Variants in THSD7B observed in about 807,000 individuals in gnomAD.
THSD7B encodes thrombospondin type-1 domain-containing protein 7B.
In THSD7B, 138 loss-of-function variants were observed where a neutral mutation model predicts 213.6. That is an observed-to-expected ratio of 0.65 (90% CI 0.56 to 0.74). The LOEUF is 0.74. Ranked by LOEUF, THSD7B falls within the 30% of genes least tolerant of loss-of-function variation. The pLI is 0.00. For missense variants in THSD7B, 1,931 were observed against 1,991.5 expected, an observed-to-expected ratio of 0.97 and a Z score of 0.58; for synonymous variants, 742 against 687.0, an observed-to-expected ratio of 1.08 and a Z score of -1.25.
At chr2:137,428,135 G>A (rs1225737414) in intron 14 of THSD7B, among the ~76,000 whole-genome samples, 2 of 152,060 alleles carry the variant, frequency 1.3e-5, no homozygotes, top group Admixed American at 1.3e-4. Flanking sequence ...TATTCTTGAT[G>A]TATGATCCAA....
At chr2:136,906,245 TC>T (rs1338663218) in intron 2 of THSD7B, among the ~76,000 whole-genome samples, 8 of 152,192 alleles carry the variant, frequency 5.3e-5, no homozygotes, top group African/African-American at 1.9e-4. Context: ...AGACAGATAT[TC>T]TTTATGAGAG....
At chr2:137,448,161 A>T (rs1343742094) in intron 14 of THSD7B, among the ~76,000 whole-genome samples, 1 of 152,236 alleles carries the variant, frequency 6.6e-6, no homozygotes, top group Non-Finnish European at 1.5e-5. Flanking sequence ...AAGATAGAGT[A>T]CTTATTAAAG....
At chr2:137,174,511 G>A (rs539171876) in intron 7 of THSD7B, among the ~76,000 whole-genome samples, 155 of 152,220 alleles carry the variant, frequency 1.0e-3, no homozygotes, top group African/African-American at 3.5e-3. Context: ...GTCTACTTTG[G>A]GTTATCTTAG....
intron 1 of THSD7B, among the ~76,000 whole-genome samples, chr2:136,840,091 A>G (rs572653925): frequency 1.3e-5 from 2 of 152,270 alleles, no homozygotes; most frequent in South Asian, 4.1e-4. Flanking sequence ...AGAGTATCAA[A>G]AAAGAGGCTG....
intron 3 of THSD7B, among the ~76,000 whole-genome samples, chr2:137,073,135 G>A (rs1462356490): frequency 2.8e-5 from 4 of 140,592 alleles, no homozygotes; most frequent in Non-Finnish European, 6.2e-5. Context: ...AGTTAGGGAG[G>A]ATTCCCTCTT....
In THSD7B at chr2:137,233,105, A is replaced by G; in HGVS notation, c.2122A>G (p.Ser708Gly). ...GACTCGGAGAGTCTTCTGTGTCAAG[A>G]GTCACGTGGGACAAGTAATGACCAA... ...IQTRRVFCVK[S>G]HVGQVMTKRC... The change falls in exon 9 of 28, where the codon AGT (serine) becomes GGT (glycine). Residue 708 changes from serine (S) to glycine (G), a missense_variant. By Grantham distance (56) the Ser-to-Gly change is moderately conservative. Coordinates refer to ENST00000409968, the MANE Select transcript of THSD7B (RefSeq NM_001316349.2). 3 of 1,613,826 alleles carry G rather than the reference A, an allele frequency of 1.9e-6. No homozygotes were observed. The highest frequency in any genetic ancestry group is 2.5e-6 in the Non-Finnish European group (3 of 1,179,786).
chr2:137,382,466 C>T (rs1225408926), intron 12 of THSD7B, among the ~76,000 whole-genome samples: 1 of 152,196 alleles, frequency 6.6e-6, no homozygotes, highest in Non-Finnish European at 1.5e-5. Flanking sequence ...ACATGGAGCA[C>T]TTGAGAACGC....
At chr2:136,778,124 C>T (rs1363137051) in intron 1 of THSD7B, among the ~76,000 whole-genome samples, 1 of 152,156 alleles carries the variant, frequency 6.6e-6, no homozygotes, top group Non-Finnish European at 1.5e-5. Flanking sequence ...ACACCTACAA[C>T]CCTCTGTCTG....
At chr2:137,544,988 CA>C (rs1471629392) in intron 15 of THSD7B, among the ~76,000 whole-genome samples, 2 of 151,654 alleles carry the variant, frequency 1.3e-5, no homozygotes, top group Non-Finnish European at 2.9e-5. Flanking sequence ...AATAATGTAT[CA>C]GGGGCTATGG....
intron 12 of THSD7B, among the ~76,000 whole-genome samples, chr2:137,327,191 G>C (rs1684391564): frequency 6.6e-6 from 1 of 152,308 alleles, no homozygotes; most frequent in African/African-American, 2.4e-5. Flanking sequence ...TTTTAGAACT[G>C]AGACAGCTGG....
chr2:137,645,349 C>G (rs1371699430), intron 21 of THSD7B, among the ~76,000 whole-genome samples: 1 of 152,162 alleles, frequency 6.6e-6, no homozygotes, highest in African/African-American at 2.4e-5. Flanking sequence ...TATTAATGCT[C>G]TAGGCAATGG....
At chr2:137,344,530 A>T (rs988404102) in intron 12 of THSD7B, among the ~76,000 whole-genome samples, 1 of 151,696 alleles carries the variant, frequency 6.6e-6, no homozygotes, top group Non-Finnish European at 1.5e-5. Flanking sequence ...ATGCTGCTTT[A>T]TATGTGACTA....
intron 17 of THSD7B, among the ~76,000 whole-genome samples, chr2:137,574,190 A>G (rs1453985346): frequency 1.3e-5 from 2 of 152,082 alleles, no homozygotes; most frequent in Non-Finnish European, 2.9e-5. Context: ...GTATCTGGCC[A>G]CTGGGCTAAA....
At chr2:137,295,730 T>C (rs1239973850) in intron 12 of THSD7B, among the ~76,000 whole-genome samples, 1 of 152,152 alleles carries the variant, frequency 6.6e-6, no homozygotes, top group East Asian at 1.9e-4. Context: ...TGCCTCATCC[T>C]CCCAAAGTGC....
chr2:136,768,398 G>GA (rs60127827), intron 1 of THSD7B, among the ~76,000 whole-genome samples: 4,541 of 152,086 alleles, frequency 0.03, 249 homozygotes, highest in African/African-American at 0.1. Context: ...TTCCTTTAAA[G>GA]AAAAAAAGTC....
intron 7 of THSD7B, among the ~76,000 whole-genome samples, chr2:137,173,553 A>G (rs1427484563): frequency 6.6e-6 from 1 of 152,120 alleles, no homozygotes; most frequent in African/African-American, 2.4e-5. Context: ...TGACCTACAC[A>G]CTGAACTTAT....
rs1683139680 is a variant in THSD7B at position 137,651,671 on chromosome 2, C to T, written c.3946-3830C>T. ...CATTAAATTATTTGAATTCTTTCTA[C>T]TTTTTCAATGTAGACATTTATTGCT... On this transcript the variant is annotated intron_variant, in intron 21 of 27. Coordinates refer to ENST00000409968, the MANE Select transcript of THSD7B (RefSeq NM_001316349.2). Among the ~76,000 whole-genome samples, 3 of 152,066 alleles carry T rather than the reference C, an allele frequency of 2.0e-5. No homozygotes were observed. In the South Asian group the frequency reaches 6.2e-4, roughly 31 times the overall value.
chr2:137,237,109 G>A (rs1325633889), intron 9 of THSD7B, among the ~76,000 whole-genome samples: 8 of 83,150 alleles, frequency 9.6e-5, no homozygotes, highest in East Asian at 5.0e-4. Context: ...GAGAAACTCC[G>A]TCTCAAAAAA....
chr2:137,108,450 T>C (rs1031798027), intron 4 of THSD7B, among the ~76,000 whole-genome samples: 9 of 152,162 alleles, frequency 5.9e-5, no homozygotes, highest in Non-Finnish European at 1.3e-4. Context: ...CCTTCTTTTG[T>C]CCCCCTTTCC....
Sources: gnomAD v4.1 joint callset for allele counts (sites outside exome capture counted in the v4.1 genomes callset) on GRCh38, gnomAD v4.1.1 for gene constraint, MANE v1.5 for transcripts, NCBI Gene and HGNC (gene_info 2026-07-23, HGNC 2026-07-21) for gene names.